NF2: variants seen among roughly 807,000 people sequenced by gnomAD.
NF2 encodes the protein merlin.
A neutral mutation model predicts 83.7 loss-of-function variants in NF2; 8 were observed. That is an observed-to-expected ratio of 0.10 (90% CI 0.06 to 0.17). The LOEUF (loss-of-function observed/expected upper bound fraction) is 0.17, where lower values mean the gene tolerates loss of function less well. Ranked by LOEUF, NF2 falls within the 10% of genes least tolerant of loss-of-function variation. The pLI is 1.00. For missense variants in NF2, 533 were observed against 744.4 expected (o/e 0.72, Z 3.31); for synonymous variants, 266 against 269.6 (o/e 0.99, Z 0.13).
chr22:29,683,664 CTG>C (rs2067205991), intron 15 of NF2: 1 of 1,079,130 alleles, frequency 9.3e-7, no homozygotes, highest in African/African-American at 1.6e-5. Flanking sequence ...GGGGAGTGGA[CTG>C]TCTGTTCATC....
At chr22:29,604,674 C>T (rs1179941835) in intron 1 of NF2, among the ~76,000 whole-genome samples, 2 of 152,116 alleles carry the variant, frequency 1.3e-5, no homozygotes, top group East Asian at 3.8e-4. Flanking sequence ...TAGTAAATGG[C>T]AAGGTGGGGT....
At chr22:29,661,110 C>T (rs1159029781) in intron 7 of NF2, 95 bp from the exon 8 acceptor site, 7 of 1,565,550 alleles carry the variant, frequency 4.5e-6, no homozygotes, top group Non-Finnish European at 5.3e-6. Context: ...TGAAACTTGT[C>T]ACATGTGACA....
intron 4 of NF2, among the ~76,000 whole-genome samples, chr22:29,643,579 A>G (rs1245043919): frequency 6.6e-6 from 1 of 152,214 alleles, no homozygotes; most frequent in East Asian, 1.9e-4. Context: ...TGGACATAGC[A>G]CATGTTTCAG....
chr22:29,673,783 A>T (rs1320750175), intron 12 of NF2, among the ~76,000 whole-genome samples: 1 of 152,192 alleles, frequency 6.6e-6, no homozygotes, highest in African/African-American at 2.4e-5. Flanking sequence ...ACCCCTGAGC[A>T]TATCCACAGA....
Position 29,603,980 on chromosome 22 carries a change from C to A in NF2, c.-19C>A. The A allele has an allele frequency of 6.4e-7, 1 of 1,551,786 alleles. No individual in the cohort carries two copies. Among genetic ancestry groups the A allele is most frequent in the Non-Finnish European group, 8.7e-7 (1 of 1,144,346 alleles). On this transcript the variant is annotated 5_prime_UTR_variant, in exon 1 of 16. Coordinates refer to ENST00000338641, the MANE Select transcript of NF2 (RefSeq NM_000268.4). ...TGCAGGCCGTGGGGCGCGAGGGTCC[C>A]GGGCCTGAGCCCCGCGCCATGGCCG...
intron 9 of NF2, among the ~76,000 whole-genome samples, chr22:29,667,284 C>T (rs966998421): frequency 1.3e-5 from 2 of 151,914 alleles, no homozygotes; most frequent in Non-Finnish European, 2.9e-5. Flanking sequence ...GTTGCCCAGG[C>T]TGAAATGTAA....
chr22:29,605,557 G>A (rs1481095211), intron 1 of NF2, among the ~76,000 whole-genome samples: 2 of 151,954 alleles, frequency 1.3e-5, no homozygotes, highest in East Asian at 1.9e-4. Flanking sequence ...CAATCCACTC[G>A]CCTTGGCCTC....
intron 4 of NF2, among the ~76,000 whole-genome samples, chr22:29,643,550 T>G (rs1322207373): frequency 6.6e-6 from 1 of 152,184 alleles, no homozygotes; most frequent in Non-Finnish European, 1.5e-5. Context: ...GCACCGCCCT[T>G]AATCCATTTA....
chr22:29,648,662 C>T (rs748988493), intron 4 of NF2, among the ~76,000 whole-genome samples: 3 of 152,226 alleles, frequency 2.0e-5, no homozygotes, highest in Non-Finnish European at 2.9e-5. Context: ...CAGTCTCTCT[C>T]TGTCACCCAG....
At chr22:29,626,422 G>A (rs1030085643) in intron 1 of NF2, among the ~76,000 whole-genome samples, 8 of 152,044 alleles carry the variant, frequency 5.3e-5, no homozygotes, top group African/African-American at 1.9e-4. Flanking sequence ...AAAGTGCTGG[G>A]ATTACATGTG....
chr22:29,675,275 A>T (rs1409026988), intron 13 of NF2, among the ~76,000 whole-genome samples: 2 of 152,154 alleles, frequency 1.3e-5, no homozygotes, highest in Admixed American at 1.3e-4. Flanking sequence ...AGCTGAATGT[A>T]ATCTTCAACT....
intron 10 of NF2, 85 bp from the exon 11 acceptor site, chr22:29,671,741 T>C (rs1381627634): frequency 6.3e-6 from 10 of 1,597,122 alleles, no homozygotes; most frequent in Non-Finnish European, 7.7e-6. Context: ...AAGGGGAGAC[T>C]GGAGATGGGG....
intron 10 of NF2, among the ~76,000 whole-genome samples, chr22:29,670,394 G>T (rs2066748091): frequency 6.6e-6 from 1 of 151,908 alleles, no homozygotes; most frequent in South Asian, 2.1e-4. Context: ...ATTGTAATAT[G>T]ATGGAAATTA....
At position 29,681,552 on chromosome 22, in the gene NF2, A is replaced by G. The variant is rs768303416; in HGVS notation, c.1688A>G (p.Asn563Ser). 17 of 1,614,080 alleles carry G rather than the reference A, an allele frequency of 1.1e-5. No individual in the cohort carries two copies. The highest frequency in any genetic ancestry group is 1.4e-5 in the Non-Finnish European group (17 of 1,180,042). Residue 563 changes from asparagine (N) to serine (S), a missense_variant, in exon 15 of 16, where the codon AAT (asparagine) becomes AGT (serine). Asn to Ser is a conservative substitution (Grantham distance 46). Coordinates refer to ENST00000338641, the MANE Select transcript of NF2 (RefSeq NM_000268.4). ...ERETALDILH[N>S]ENSDRGGSSK... Reference sequence around the variant, plus strand: ...GAGACAGCTCTGGATATTCTGCACAATGAGAACTCCGACAGGGGTGGCAGC... The same window carrying G: ...GAGACAGCTCTGGATATTCTGCACAGTGAGAACTCCGACAGGGGTGGCAGC...
At position 29,615,108 on chromosome 22, in the gene NF2, C is replaced by A. The variant is rs555500633; in HGVS notation, c.114+10996C>A. On this transcript the variant is annotated intron_variant, in intron 1 of 15. Transcript: ENST00000338641. Reference sequence around the variant, plus strand: ...CTGAGACATGAGAATCACTTGAACTCGGGAGGTGGAGGTTGCAGTGAGCTC... The same window carrying A: ...CTGAGACATGAGAATCACTTGAACTAGGGAGGTGGAGGTTGCAGTGAGCTC... Among the ~76,000 whole-genome samples the A allele has an allele frequency of 1.2e-3, 177 of 152,160 alleles. 1 individual carries two copies. The highest frequency in any genetic ancestry group is 4.1e-3 in the African/African-American group (171 of 41,532).
chr22:29,670,503 T>TGTGTGTGTGTG (rs2066751219), intron 10 of NF2, among the ~76,000 whole-genome samples: 1 of 146,342 alleles, frequency 6.8e-6, no homozygotes, highest in African/African-American at 2.6e-5. Context: ...CTTTTTGAGC[T>TGTGTGTGTGTG]TGTGTGTGTG....
intron 10 of NF2, 152 bp downstream of exon 10, chr22:29,668,598 A>G (rs575540623): frequency 8.8e-6 from 6 of 682,318 alleles, no homozygotes; most frequent in East Asian, 8.4e-5. Flanking sequence ...GCCGATGCCT[A>G]CCTGGTGGGA....
At chr22:29,679,346 T>C (rs1323513222) in intron 14 of NF2, among the ~76,000 whole-genome samples, 1 of 152,210 alleles carries the variant, frequency 6.6e-6, no homozygotes, top group Non-Finnish European at 1.5e-5. Context: ...GCTCTCACAC[T>C]GAGGGTATAG....
At chr22:29,678,924 C>T (rs1176030197) in intron 14 of NF2, among the ~76,000 whole-genome samples, 1 of 152,168 alleles carries the variant, frequency 6.6e-6, no homozygotes, top group Non-Finnish European at 1.5e-5. Context: ...GAAAGGATCC[C>T]CACTGCAGAG....
Sources: allele counts gnomAD v4.1 joint callset (sites outside exome capture counted in the v4.1 genomes callset), GRCh38; gene constraint gnomAD v4.1.1; transcripts MANE v1.5; gene names NCBI Gene and HGNC (gene_info 2026-07-23, HGNC 2026-07-21).